Variants in LRMDA observed in about 807,000 individuals in gnomAD.
LRMDA encodes the protein leucine rich melanocyte differentiation associated, also known as leucine-rich melanocyte differentiation-associated protein.
LRMDA carries 18 observed loss-of-function variants against 29.8 expected under a neutral mutation model. The observed-to-expected ratio is 0.60, with a 90% CI of 0.42 to 0.90. The LOEUF is 0.90. LRMDA is among the 40% of genes least tolerant of loss of function. The pLI is 0.00. For missense variants in LRMDA, 273 were observed against 273.9 expected, an observed-to-expected ratio of 1.00 and a Z score of 0.02; for synonymous variants, 125 against 109.4, an observed-to-expected ratio of 1.14 and a Z score of -0.89.
At chr10:76,315,920 G>A (rs1340860641) in intron 5 of LRMDA, among the ~76,000 whole-genome samples, 1 of 152,130 alleles carries the variant, frequency 6.6e-6, no homozygotes, top group Non-Finnish European at 1.5e-5. Context: ...CCAATGACCT[G>A]CCTGCAGAAA....
intron 2 of LRMDA, among the ~76,000 whole-genome samples, chr10:75,841,734 C>T (rs763702818): frequency 5.3e-5 from 8 of 152,160 alleles, no homozygotes; most frequent in African/African-American, 1.2e-4. Context: ...GTAACCTGCA[C>T]GTTCTAAAAG....
chr10:76,522,305 T>C (rs2637250), intron 6 of LRMDA, among the ~76,000 whole-genome samples: 66,684 of 151,986 alleles, frequency 0.44, 14,777 homozygotes, highest in Middle Eastern at 0.61. Flanking sequence ...TGTCCTAGGA[T>C]GCTAGAAAGT....
At chr10:75,654,050 T>A (rs1841636212) in intron 2 of LRMDA, among the ~76,000 whole-genome samples, 1 of 151,512 alleles carries the variant, frequency 6.6e-6, no homozygotes, top group Admixed American at 6.5e-5. Context: ...GCACTGCCCC[T>A]CGTGATCAGG....
At chr10:76,089,582 T>C (rs1337386377) in intron 5 of LRMDA, among the ~76,000 whole-genome samples, 2 of 152,242 alleles carry the variant, frequency 1.3e-5, no homozygotes, top group African/African-American at 2.4e-5. Flanking sequence ...CAGTCATCCT[T>C]GTCTGTTATG....
intron 2 of LRMDA, among the ~76,000 whole-genome samples, chr10:75,796,536 T>A (rs1355236507): frequency 1.3e-5 from 2 of 152,190 alleles, no homozygotes; most frequent in Non-Finnish European, 2.9e-5. Flanking sequence ...GGTCATCATG[T>A]GTTATCCTTT....
At chr10:75,466,288 T>TTGGATG (rs1844649545) in intron 2 of LRMDA, among the ~76,000 whole-genome samples, 1 of 152,158 alleles carries the variant, frequency 6.6e-6, no homozygotes, top group South Asian at 2.1e-4. Context: ...GGAGAGGATG[T>TTGGATG]GGAGGGCTGT....
chr10:76,378,217 A>G (rs1841544900), intron 6 of LRMDA, among the ~76,000 whole-genome samples: 1 of 152,084 alleles, frequency 6.6e-6, no homozygotes, highest in Non-Finnish European at 1.5e-5. Context: ...AATGCTACTG[A>G]TTTTTGTAGG....
intron 2 of LRMDA, among the ~76,000 whole-genome samples, chr10:75,617,588 G>C (rs1841120495): frequency 6.6e-6 from 1 of 152,070 alleles, no homozygotes; most frequent in Non-Finnish European, 1.5e-5. Flanking sequence ...GGCACTCACT[G>C]CTCCCCTCTG....
intron 2 of LRMDA, among the ~76,000 whole-genome samples, chr10:75,571,521 C>G (rs1840437260): frequency 6.6e-6 from 1 of 152,200 alleles, no homozygotes; most frequent in Non-Finnish European, 1.5e-5. Context: ...ATACTCAACT[C>G]TGGCGGTTAA....
At chr10:76,180,327 C>T (rs998031787) in intron 5 of LRMDA, among the ~76,000 whole-genome samples, 62 of 148,268 alleles carry the variant, frequency 4.2e-4, no homozygotes, top group Non-Finnish European at 1.5e-4. Context: ...ACACTGTCAC[C>T]CCGGCTGGAG....
intron 2 of LRMDA, among the ~76,000 whole-genome samples, chr10:75,559,484 C>T (rs1217385556): frequency 6.6e-6 from 1 of 151,314 alleles, no homozygotes; most frequent in Non-Finnish European, 1.5e-5. Flanking sequence ...TTGTAGGTTG[C>T]CTGTTCACTC....
At chr10:75,757,798 CTTTTTT>C (rs139801931) in intron 2 of LRMDA, among the ~76,000 whole-genome samples, 5 of 140,036 alleles carry the variant, frequency 3.6e-5, no homozygotes, top group African/African-American at 1.0e-4. Context: ...AATTTTCTTT[CTTTTTT>C]TTTTTTTTTT....
intron 1 of LRMDA, among the ~76,000 whole-genome samples, chr10:75,433,226 G>T (rs996826218): frequency 6.6e-6 from 1 of 152,148 alleles, no homozygotes; most frequent in Non-Finnish European, 1.5e-5. Context: ...TTCAGATTTG[G>T]TGTTCTCCCG....
chr10:76,473,229 A>G (rs1274409410), intron 6 of LRMDA, among the ~76,000 whole-genome samples: 3 of 151,526 alleles, frequency 2.0e-5, no homozygotes, highest in African/African-American at 7.3e-5. Context: ...AACATAATAC[A>G]CCATATCAGA....
rs149213645 is a variant in LRMDA at position 76,107,854 on chromosome 10, C to G, written c.516+49071C>G. Among the ~76,000 whole-genome samples, 937 of 152,134 alleles carry G rather than the reference C, an allele frequency of 6.2e-3. 12 individuals are homozygous for G. Among genetic ancestry groups the G allele is most frequent in the African/African-American group, 0.021 (872 of 41,490 alleles). Reference sequence around the variant, plus strand: ...AACGTGCCATGGTGGTTTGCTGCACCCATCAACCCATCATCTAAGTTTTCA... The same window carrying G: ...AACGTGCCATGGTGGTTTGCTGCACGCATCAACCCATCATCTAAGTTTTCA... On this transcript the variant is annotated intron_variant, in intron 5 of 6. Coordinates refer to ENST00000611255, the MANE Select transcript of LRMDA (RefSeq NM_001305581.2).
chr10:75,818,716 C>T (rs190819172), intron 2 of LRMDA, among the ~76,000 whole-genome samples: 40 of 152,328 alleles, frequency 2.6e-4, no homozygotes, highest in African/African-American at 9.4e-4. Context: ...ACAGACCTGT[C>T]ATGGGATAGA....
At chr10:75,483,857 G>T (rs1789163301) in intron 2 of LRMDA, among the ~76,000 whole-genome samples, 2 of 122,412 alleles carry the variant, frequency 1.6e-5, no homozygotes. Flanking sequence ...GCATTGGCTA[G>T]TATGGAGAGG....
At chr10:76,470,247 C>T (rs1009793265) in intron 6 of LRMDA, among the ~76,000 whole-genome samples, 3 of 151,700 alleles carry the variant, frequency 2.0e-5, no homozygotes, top group Non-Finnish European at 4.4e-5. Flanking sequence ...CAAAACCACA[C>T]GAATAAACAA....
intron 5 of LRMDA, among the ~76,000 whole-genome samples, chr10:76,179,884 C>T (rs967669192): frequency 6.6e-6 from 1 of 152,152 alleles, no homozygotes; most frequent in Non-Finnish European, 1.5e-5. Flanking sequence ...ACAAGATTCT[C>T]ATCAGAGTCC....
Sources: gnomAD v4.1 joint callset for allele counts (sites outside exome capture counted in the v4.1 genomes callset) on GRCh38, gnomAD v4.1.1 for gene constraint, MANE v1.5 for transcripts, NCBI Gene and HGNC (gene_info 2026-07-23, HGNC 2026-07-21) for gene names.